LIPK: variants seen among roughly 807,000 people sequenced by gnomAD.
LIPK encodes lipase member K.
In LIPK, 32 loss-of-function variants were observed where a neutral mutation model predicts 48.6. That is an observed-to-expected ratio of 0.66 (90% confidence interval 0.50 to 0.88). The LOEUF is 0.88. LIPK is among the 40% of genes least tolerant of loss of function. LIPK has a pLI of 0.00. For synonymous variants in LIPK, 164 were observed against 157.4 expected (o/e 1.04, Z -0.32); for missense variants, 507 against 478.5 (o/e 1.06, Z -0.56).
intron 1 of LIPK, among the ~76,000 whole-genome samples, chr10:88,713,140 G>C (rs1842054174): frequency 6.6e-6 from 1 of 152,128 alleles, no homozygotes; most frequent in Admixed American, 6.5e-5. Context: ...TATCGCTATA[G>C]CAATTTCTAG....
At chr10:88,716,938 T>C (rs577297401) in intron 1 of LIPK, among the ~76,000 whole-genome samples, 3 of 151,872 alleles carry the variant, frequency 2.0e-5, no homozygotes, top group Non-Finnish European at 1.5e-5. Flanking sequence ...GAGAATGAGT[T>C]TGGGGAGAAA....
intron 8 of LIPK, among the ~76,000 whole-genome samples, chr10:88,740,720 A>G (rs1842664190): frequency 6.6e-6 from 1 of 152,184 alleles, no homozygotes. Flanking sequence ...TGGCTCAGTC[A>G]CAACGCCTTT....
intron 9 of LIPK, among the ~76,000 whole-genome samples, chr10:88,748,973 T>G (rs899563073): frequency 6.6e-6 from 1 of 152,008 alleles, no homozygotes; most frequent in African/African-American, 2.4e-5. Context: ...TGTACCAAAA[T>G]CAGTAACAAT....
chr10:88,742,125 C>T (rs417243), intron 8 of LIPK, among the ~76,000 whole-genome samples: 33,330 of 152,104 alleles, frequency 0.22, 3,810 homozygotes, highest in East Asian at 0.35. Flanking sequence ...AGAACTCACT[C>T]ACTATCAGGA....
intron 7 of LIPK, among the ~76,000 whole-genome samples, chr10:88,739,352 T>C (rs1653835): frequency 0.22 from 33,049 of 152,042 alleles, 3,754 homozygotes; most frequent in East Asian, 0.37. Context: ...GGGTTTTTAT[T>C]CTTTAATCCC....
chr10:88,737,594 C>G, intron 6 of LIPK, 41 bp from the exon 7 acceptor site: 2 of 1,603,726 alleles, frequency 1.2e-6, no homozygotes, highest in South Asian at 1.1e-5. Flanking sequence ...TTTTGATATC[C>G]ACGCCTGTAA....
intron 7 of LIPK, among the ~76,000 whole-genome samples, chr10:88,738,877 CA>C (rs1299065590): frequency 6.6e-6 from 1 of 152,134 alleles, no homozygotes; most frequent in East Asian, 1.9e-4. Context: ...GAACCATAGC[CA>C]GGGGTACATA....
chr10:88,740,461 T>A (rs953105977), intron 8 of LIPK, among the ~76,000 whole-genome samples: 8 of 152,268 alleles, frequency 5.3e-5, no homozygotes, highest in African/African-American at 1.9e-4. Context: ...GAAATGATGC[T>A]TTATTCAGAG....
At position 88,731,121 on chromosome 10, in the gene LIPK, A is replaced by G; in HGVS notation, c.362A>G (p.Asn121Ser). 1.2e-6 allele frequency: 2 copies of G among 1,605,414 alleles called. No individual in the cohort carries two copies. Among genetic ancestry groups the G allele is most frequent in the South Asian group, 1.1e-5 (1 of 88,908 alleles). Residue 121 changes from asparagine to serine, a missense_variant, in exon 4 of 10, where the codon AAC (asparagine) becomes AGC (serine). Physicochemically the swap from Asn to Ser is conservative, Grantham distance 46. Transcript: ENST00000404190. ...GTGTGGTTGGGGAACAGCCGAGGAA[A>G]CACTTGGTCCAGAAAACACCTTAAA... ...YDVWLGNSRG[N>S]TWSRKHLKLS...
intron 8 of LIPK, 80 bp from the exon 9 acceptor site, chr10:88,743,167 ATCT>A (rs745875925): frequency 2.3e-5 from 20 of 855,194 alleles, no homozygotes; most frequent in Non-Finnish European, 3.7e-5. Context: ...CATAATGTTA[ATCT>A]TCTTTGTATA....
chr10:88,736,911 G>A (rs1842583015), intron 6 of LIPK, among the ~76,000 whole-genome samples: 1 of 152,062 alleles, frequency 6.6e-6, no homozygotes, highest in Non-Finnish European at 1.5e-5. Context: ...ACTGTAAATA[G>A]GTGTTTCCAA....
intron 9 of LIPK, among the ~76,000 whole-genome samples, chr10:88,749,799 A>G (rs1842833816): frequency 1.1e-5 from 1 of 92,782 alleles, no homozygotes; most frequent in African/African-American, 4.2e-5. Flanking sequence ...AAAACAATTG[A>G]CAAGTGGAAC....
At chr10:88,710,060 A>G (rs960439661) in intron 1 of LIPK, among the ~76,000 whole-genome samples, 3 of 151,914 alleles carry the variant, frequency 2.0e-5, no homozygotes, top group Non-Finnish European at 2.9e-5. Context: ...ATTTAACATA[A>G]TGTTATAAGT....
chr10:88,725,778 T>C (rs1312360993), intron 2 of LIPK, among the ~76,000 whole-genome samples: 2 of 152,138 alleles, frequency 1.3e-5, no homozygotes, highest in African/African-American at 4.8e-5. Flanking sequence ...CCCCTCTTCT[T>C]TGTATATCTG....
At chr10:88,752,338 A>AT in intron 9 of LIPK, among the ~76,000 whole-genome samples, 179 bp from the exon 10 acceptor site, 1 of 152,322 alleles carries the variant, frequency 6.6e-6, no homozygotes, top group Admixed American at 6.5e-5. Flanking sequence ...CACAATTCAT[A>AT]TTACTGCACG....
At chr10:88,731,253 T>A in intron 4 of LIPK, 72 bp downstream of exon 4, 4 of 1,274,328 alleles carry the variant, frequency 3.1e-6, no homozygotes, top group Non-Finnish European at 4.1e-6. Flanking sequence ...TAGTGATTTT[T>A]TTCCTGTTTT....
chr10:88,752,703 C>T lies in LIPK; in HGVS notation c.1147C>T (p.Gln383Ter). 6.4e-7 allele frequency: 1 copy of T among 1,572,152 alleles called. No individual in the cohort carries two copies. The highest frequency in any genetic ancestry group is 8.7e-7 in the Non-Finnish European group (1 of 1,155,746). ...VDFYLGEDAP[Q>*]EIYQDLIILM... is the part of the protein sequence containing the mutation. ...TTTTTACCTTGGAGAGGATGCACCT[C>T]AGGAAATTTACCAAGACCTAATTAT... Residue 383 changes from glutamine to a stop codon, truncating the protein, a stop_gained, in exon 10 of 10, where the codon CAG becomes TAG. Coordinates refer to ENST00000404190, the MANE Select transcript of LIPK (RefSeq NM_001080518.2). LOFTEE classifies it high-confidence loss of function.
At chr10:88,734,437 A>C (rs1842529082) in intron 6 of LIPK, among the ~76,000 whole-genome samples, 1 of 152,218 alleles carries the variant, frequency 6.6e-6, no homozygotes, top group South Asian at 2.1e-4. Flanking sequence ...AGTATGAGAA[A>C]TCATGTTGGA....
chr10:88,731,963 A>G (rs1842475866), intron 4 of LIPK, among the ~76,000 whole-genome samples: 1 of 152,256 alleles, frequency 6.6e-6, no homozygotes, highest in African/African-American at 2.4e-5. Flanking sequence ...GTAGGCCTCG[A>G]CAAATCAAAT....
Sources: gnomAD v4.1 joint callset for allele counts (sites outside exome capture counted in the v4.1 genomes callset) on GRCh38, gnomAD v4.1.1 for gene constraint, MANE v1.5 for transcripts, NCBI Gene and HGNC (gene_info 2026-07-23, HGNC 2026-07-21) for gene names.